Variants in ARHGEF10 observed in about 807,000 individuals in gnomAD.
ARHGEF10 encodes the protein Rho guanine nucleotide exchange factor 10, also known as Rho guanine nucleotide exchange factor (GEF) 10.
Under a neutral mutation model 147.4 loss-of-function variants are expected in ARHGEF10, and 140 were observed. That is an observed-to-expected ratio of 0.95 (90% CI 0.83 to 1.09). ARHGEF10 has a LOEUF of 1.09. ARHGEF10 is among the 50% of genes least tolerant of loss of function. The pLI is 0.00. For missense variants in ARHGEF10, 2,222 were observed against 1,752.7 expected (o/e 1.27, Z -4.78); for synonymous variants, 902 against 695.8 (o/e 1.30, Z -4.67).
intron 6 of ARHGEF10, among the ~76,000 whole-genome samples, chr8:1,868,492 C>G (rs796551432): frequency 2.0e-5 from 3 of 152,294 alleles, no homozygotes; most frequent in African/African-American, 7.2e-5. Flanking sequence ...AAACCTCAGG[C>G]TCATTGTTGG....
At chr8:1,850,027 T>G (rs1204480520) in intron 2 of ARHGEF10, among the ~76,000 whole-genome samples, 21 of 83,732 alleles carry the variant, frequency 2.5e-4, no homozygotes, top group South Asian at 5.0e-4. Context: ...GCCGGCTGCA[T>G]GGACACAGAG....
intron 27 of ARHGEF10, among the ~76,000 whole-genome samples, chr8:1,949,821 T>C (rs1814885631): frequency 6.6e-6 from 1 of 150,836 alleles, no homozygotes; most frequent in African/African-American, 2.4e-5. Context: ...GGTGTGGCCC[T>C]GGCCTGTCCT....
In ARHGEF10 at chr8:1,875,668, T is replaced by G. The variant is rs114987087; in HGVS notation, c.680-903T>G. Among the ~76,000 whole-genome samples the G allele has an allele frequency of 4.5e-3, 684 of 152,348 alleles. 5 individuals are homozygous for G. Among genetic ancestry groups the G allele is most frequent in the African/African-American group, 0.015 (628 of 41,576 alleles). On this transcript the variant is annotated intron_variant, in intron 7 of 28. Transcript: ENST00000349830. ...GACATTTGGAGGACCTGTTTTGTAG[T>G]CAGTGGAGAAATATTACAAGGATAG...
At chr8:1,867,817 C>T (rs1806752295) in intron 6 of ARHGEF10, among the ~76,000 whole-genome samples, 2 of 152,284 alleles carry the variant, frequency 1.3e-5, no homozygotes, top group South Asian at 4.1e-4. Context: ...AAGGTAGAAC[C>T]ATCTTAGTTA....
intron 15 of ARHGEF10, among the ~76,000 whole-genome samples, chr8:1,902,638 G>A (rs900459118): frequency 6.6e-6 from 1 of 151,718 alleles, no homozygotes; most frequent in Non-Finnish European, 1.5e-5. Flanking sequence ...GTGCATTTGT[G>A]ACAACCAGGA....
chr8:1,837,281 G>A (rs1803643364), intron 1 of ARHGEF10, among the ~76,000 whole-genome samples: 1 of 150,788 alleles, frequency 6.6e-6, no homozygotes, highest in South Asian at 2.1e-4. Flanking sequence ...CATGCTCTCT[G>A]CACAGGGCTG....
At chr8:1,848,352 T>A (rs1804716590) in intron 2 of ARHGEF10, among the ~76,000 whole-genome samples, 1 of 152,074 alleles carries the variant, frequency 6.6e-6, no homozygotes, top group Non-Finnish European at 1.5e-5. Flanking sequence ...AGGGATGGGG[T>A]CTCGTGGCCA....
Position 1,933,840 on chromosome 8 carries a change from A to T in ARHGEF10, c.3120A>T (p.Leu1040Phe). Residue 1040 changes from leucine to phenylalanine, a missense_variant, in exon 26 of 29, where the codon TTA becomes TTT. Physicochemically the swap from Leu to Phe is conservative, Grantham distance 22. Transcript: ENST00000349830. The stretch of plus-strand genomic sequence containing the variant: ...CAGAACCTCAAAAAGTGATCAAGTT[A>T]GGCGTCCTACCAGTTAGAAGTCTAC... ...WDSEPQKVIK[L>F]GVLPVRSLLM... The T allele has an allele frequency of 6.2e-7, 1 of 1,614,230 alleles. No individual in the cohort carries two copies. Among genetic ancestry groups the T allele is most frequent in the Non-Finnish European group, 8.5e-7 (1 of 1,180,036 alleles).
At chr8:1,877,477 C>G (rs930157748) in intron 8 of ARHGEF10, among the ~76,000 whole-genome samples, 3 of 152,220 alleles carry the variant, frequency 2.0e-5, no homozygotes, top group African/African-American at 7.2e-5. Flanking sequence ...ATCTGCCCAC[C>G]TCGGCCTCCC....
chr8:1,857,163 G>A (rs1805612686), intron 2 of ARHGEF10, among the ~76,000 whole-genome samples: 1 of 152,094 alleles, frequency 6.6e-6, no homozygotes, highest in African/African-American at 2.4e-5. Context: ...CTATATATCG[G>A]TGTTCATATT....
chr8:1,864,676 G>T (rs1157048695), intron 5 of ARHGEF10, among the ~76,000 whole-genome samples: 1 of 152,246 alleles, frequency 6.6e-6, no homozygotes, highest in Non-Finnish European at 1.5e-5. Context: ...GGTGTGTCCA[G>T]GCTTGGCCCT....
At chr8:1,893,723 G>T in intron 12 of ARHGEF10, 77 bp downstream of exon 12, 2 of 1,177,474 alleles carry the variant, frequency 1.7e-6, no homozygotes, top group Non-Finnish European at 2.5e-6. Context: ...ATCCATAAAT[G>T]CAAAGCATAT....
chr8:1,941,055 T>C (rs111693186), intron 26 of ARHGEF10, among the ~76,000 whole-genome samples: 2 of 152,174 alleles, frequency 1.3e-5, no homozygotes, highest in Non-Finnish European at 2.9e-5. Context: ...CCCCTGAAGA[T>C]CAAGAACAAG....
chr8:1,928,399 C>T, intron 23 of ARHGEF10, 28 bp from the exon 24 acceptor site: 1 of 1,453,924 alleles, frequency 6.9e-7, no homozygotes, highest in Non-Finnish European at 9.5e-7. Flanking sequence ...TGGTCGTTTT[C>T]TTCTTTCCTC....
intron 1 of ARHGEF10, among the ~76,000 whole-genome samples, chr8:1,831,906 C>T (rs578210636): frequency 3.9e-5 from 6 of 152,148 alleles, no homozygotes; most frequent in South Asian, 2.1e-4. Flanking sequence ...GGCACATGGC[C>T]GGGTGGAGTT....
At chr8:1,926,642 T>A (rs1563296179) in intron 23 of ARHGEF10, 179 bp downstream of exon 23, 1 of 692,136 alleles carries the variant, frequency 1.4e-6, no homozygotes, top group African/African-American at 1.8e-5. Flanking sequence ...GGAAAAGATT[T>A]ACAGTTCTTA....
intron 26 of ARHGEF10, among the ~76,000 whole-genome samples, chr8:1,938,308 G>A (rs947333169): frequency 1.8e-4 from 27 of 152,312 alleles, no homozygotes; most frequent in African/African-American, 6.0e-4. Flanking sequence ...TTTCTGGGGG[G>A]CGTTGCCTGG....
At chr8:1,925,426 G>A (rs1364969846) in intron 22 of ARHGEF10, 22 bp downstream of exon 22, 9 of 1,613,228 alleles carry the variant, frequency 5.6e-6, no homozygotes, top group South Asian at 1.1e-5. Flanking sequence ...CAGGGCCCGC[G>A]GCCCGGGGTG....
chr8:1,876,490 T>C (rs1168528033), intron 7 of ARHGEF10, 81 bp from the exon 8 acceptor site: 4 of 1,414,716 alleles, frequency 2.8e-6, no homozygotes, highest in Non-Finnish European at 4.0e-6. Context: ...TCTAGATGAT[T>C]TGGTAAAACC....
Sources: allele counts gnomAD v4.1 joint callset (sites outside exome capture counted in the v4.1 genomes callset), GRCh38; gene constraint gnomAD v4.1.1; transcripts MANE v1.5; gene names NCBI Gene and HGNC (gene_info 2026-07-23, HGNC 2026-07-21).